The following UBE3B variants were observed in gnomAD, a reference collection of about 807,000 sequenced individuals.
UBE3B encodes ubiquitin protein ligase E3B.
UBE3B carries 80 observed loss-of-function variants against 132.3 expected under a neutral mutation model. The ratio of observed to expected loss-of-function variants is 0.60; its 90% CI spans 0.50 to 0.73. UBE3B has a LOEUF of 0.73. Ranked by LOEUF, UBE3B falls within the 30% of genes least tolerant of loss-of-function variation. The probability of loss-of-function intolerance (pLI) is 0.00; values close to 1 mark genes in which losing one functional copy is unlikely to be tolerated. For synonymous variants in UBE3B, 487 were observed against 520.4 expected (o/e 0.94, Z 0.87); for missense variants, 1,196 against 1,362.5 (o/e 0.88, Z 1.92).
intron 17 of UBE3B, 95 bp from the exon 18 acceptor site, chr12:109,511,109 C>G (rs934347015): frequency 1.9e-6 from 2 of 1,058,788 alleles, no homozygotes; most frequent in Non-Finnish European, 2.8e-6. Context: ...CAGACAGCAC[C>G]CTGCATGTGG....
intron 24 of UBE3B, 66 bp from the exon 25 acceptor site, chr12:109,529,824 G>T (rs927503349): frequency 1.6e-5 from 25 of 1,573,850 alleles, no homozygotes; most frequent in African/African-American, 2.7e-5. Flanking sequence ...CTGTCTTTCA[G>T]CCCATTGGTG....
Position 109,510,453 on chromosome 12 carries a change from G to A in UBE3B, c.1851G>A (p.Leu617=), listed in dbSNP as rs779243190. The A allele has an allele frequency of 6.2e-7, 1 of 1,609,396 alleles. No homozygotes were observed. The highest frequency in any genetic ancestry group is 8.5e-7 in the Non-Finnish European group (1 of 1,178,100). Residue 617 remains leucine, a synonymous_variant, in exon 17 of 28, where the codon CTG becomes CTA. Transcript: ENST00000342494. ...RRRFTPEDHW[L]RKDLKPSVLF... is the part of the protein sequence containing the mutation. ...GCTTCACCCCCGAGGACCACTGGCT[G>A]CGAAAGTGAGCTCCAGGGGTGAGGA...
chr12:109,531,772 C>A (rs560776412), intron 26 of UBE3B, among the ~76,000 whole-genome samples: 21 of 152,178 alleles, frequency 1.4e-4, no homozygotes, highest in African/African-American at 4.8e-4. Context: ...TCAGTTTTCC[C>A]AGAAGTGCCT....
chr12:109,529,710 G>A (rs1000133484), intron 24 of UBE3B, among the ~76,000 whole-genome samples, 180 bp from the exon 25 acceptor site: 1 of 152,200 alleles, frequency 6.6e-6, no homozygotes, highest in African/African-American at 2.4e-5. Flanking sequence ...GGCGTATGGT[G>A]TGCAGTTCGT....
chr12:109,526,550 G>C (rs912481996), intron 24 of UBE3B, 134 bp downstream of exon 24: 5 of 962,562 alleles, frequency 5.2e-6, no homozygotes, highest in African/African-American at 4.9e-5. Context: ...GAATTTACTG[G>C]TTACAGTTCA....
Position 109,524,134 on chromosome 12 carries a change from G to A in UBE3B, c.2502+19G>A. 1 of 1,613,894 alleles carries A rather than the reference G, an allele frequency of 6.2e-7. No homozygotes were observed. Among genetic ancestry groups the A allele is most frequent in the South Asian group, 1.1e-5 (1 of 91,066 alleles). On this transcript the variant is annotated intron_variant, in intron 22 of 27. Coordinates refer to ENST00000342494, the MANE Select transcript of UBE3B (RefSeq NM_130466.4). ...CATCAAGGTGAGCATGGAATGGTGG[G>A]TGAGCTAAGCCGAGCACTGGTGTGA...
At chr12:109,489,171 G>A (rs1206668900) in intron 7 of UBE3B, among the ~76,000 whole-genome samples, 5 of 152,170 alleles carry the variant, frequency 3.3e-5, no homozygotes, top group Admixed American at 3.3e-4. Flanking sequence ...AACAGAAAGG[G>A]GCATTGCCCT....
chr12:109,509,531 A>G, intron 15 of UBE3B, 65 bp from the exon 16 acceptor site: 1 of 1,015,808 alleles, frequency 9.8e-7, no homozygotes, highest in East Asian at 2.4e-5. Flanking sequence ...AGTAAGCAGT[A>G]CAGATTTTTT....
intron 14 of UBE3B, among the ~76,000 whole-genome samples, chr12:109,506,933 A>G (rs913701799): frequency 6.6e-6 from 1 of 152,250 alleles, no homozygotes; most frequent in African/African-American, 2.4e-5. Context: ...GGCAAAGCCG[A>G]GGTGTAACCA....
In UBE3B at chr12:109,511,219, C is replaced by T. The variant is rs748573703; in HGVS notation, c.1872C>T (p.Ser624=). ...TCTTCTCAAGGGATCTCAAACCTAG[C>T]GTGCTCTTCCAAGAACTCGACAGGG... The part of the protein sequence containing the change: ...DHWLRKDLKP[S]VLFQELDRDR... The change falls in exon 18 of 28, where the codon AGC becomes AGT. Residue 624 remains serine, a synonymous_variant. Coordinates refer to ENST00000342494, the MANE Select transcript of UBE3B (RefSeq NM_130466.4). 3.1e-6 allele frequency: 5 copies of T among 1,614,096 alleles called. No homozygotes were observed. Among genetic ancestry groups the T allele is most frequent in the Admixed American group, 3.3e-5 (2 of 60,028 alleles).
Position 109,516,752 on chromosome 12 carries a change from T to C in UBE3B, c.1957-13T>C. On this transcript the variant is annotated splice_polypyrimidine_tract_variant and intron_variant, in intron 18 of 27. Transcript: ENST00000342494. ...CTGACCCTGTTTTCTGATCCCGCCT[T>C]TGTTCATTTTAGAGAGTTCTACTGT... The C allele has an allele frequency of 6.2e-7, 1 of 1,610,018 alleles. No individual in the cohort carries two copies. Among genetic ancestry groups the C allele is most frequent in the Non-Finnish European group, 8.5e-7 (1 of 1,177,050 alleles).
Position 109,509,655 on chromosome 12 carries a change from T to G in UBE3B, c.1682T>G (p.Val561Gly). The G allele has an allele frequency of 6.2e-7, 1 of 1,612,102 alleles. No homozygotes were observed. The highest frequency in any genetic ancestry group is 8.5e-7 in the Non-Finnish European group (1 of 1,179,610). ...ATTTCATTCAAACTGGAAGAGCTGG[T>G]CACTATCTCCTCTTTCCTGAATTCT... ...EQISFKLEEL[V>G]TISSFLNSFV... The change falls in exon 16 of 28, where the codon GTC (valine) becomes GGC (glycine). Residue 561 changes from valine (V) to glycine (G), a missense_variant. Physicochemically the swap from Val to Gly is moderately radical, Grantham distance 109. Coordinates refer to ENST00000342494, the MANE Select transcript of UBE3B (RefSeq NM_130466.4).
intron 19 of UBE3B, chr12:109,517,807 G>T: frequency 3.1e-6 from 1 of 318,680 alleles, no homozygotes; most frequent in Admixed American, 3.1e-5. Context: ...TATGTGGCCA[G>T]ATAGCCACCC....
chr12:109,539,951 G>A (rs1418074728), downstream of UBE3B, among the ~76,000 whole-genome samples: 1 of 151,952 alleles, frequency 6.6e-6, no homozygotes, highest in Non-Finnish European at 1.5e-5. Context: ...GAGACTCAAA[G>A]CCTTGGGCAT....
intron 19 of UBE3B, chr12:109,519,817 C>T (rs549739517): frequency 6.6e-6 from 1 of 152,312 alleles, no homozygotes; most frequent in South Asian, 2.1e-4. Flanking sequence ...TGCTCCTGTT[C>T]CCACATGTGA....
chr12:109,490,599 A>G (rs1445553966), intron 8 of UBE3B: 8 of 1,535,640 alleles, frequency 5.2e-6, no homozygotes, highest in Non-Finnish European at 7.0e-6. Flanking sequence ...CGCTAGAGGA[A>G]CCTTCTACTT....
rs137860364 is a variant in UBE3B, at chr12:109,499,655, C to T, written c.963C>T (p.Ser321=). Residue 321 remains serine, a synonymous_variant, in exon 12 of 28, where the codon TCC becomes TCT. Coordinates refer to ENST00000342494, the MANE Select transcript of UBE3B (RefSeq NM_130466.4). ...CLMGNLLHLG[S]LSPRVLEEET... is the part of the protein sequence containing the mutation. ...TAGGCAACCTCCTACACTTGGGCTCCCTCAGCCCCAGAGTGTTAGAGGAGG... is the reference window on the plus strand; with the variant it reads ...TAGGCAACCTCCTACACTTGGGCTCTCTCAGCCCCAGAGTGTTAGAGGAGG... 73 of 1,603,138 alleles carry T rather than the reference C, an allele frequency of 4.6e-5. No individual in the cohort carries two copies. In the African/African-American group the frequency reaches 9.1e-4, roughly 20 times the overall value.
the UBE3B span, among the ~76,000 whole-genome samples, chr12:109,544,328 T>G: frequency 1.5e-5 from 2 of 133,780 alleles, no homozygotes; most frequent in African/African-American, 2.9e-5. Context: ...GGAATGGGTG[T>G]GGACTGGAAT....
At chr12:109,526,537 A>G in intron 24 of UBE3B, 121 bp downstream of exon 24, 1 of 1,084,362 alleles carries the variant, frequency 9.2e-7, no homozygotes, top group Non-Finnish European at 1.3e-6. Flanking sequence ...AAATATCATA[A>G]TGGAATTTAC....
Sources: allele counts gnomAD v4.1 joint callset (sites outside exome capture counted in the v4.1 genomes callset), GRCh38; gene constraint gnomAD v4.1.1; transcripts MANE v1.5; gene names NCBI Gene and HGNC (gene_info 2026-07-23, HGNC 2026-07-21).